SHANK2: variants seen among roughly 807,000 people sequenced by gnomAD.
The protein encoded by SHANK2 is SH3 and multiple ankyrin repeat domains protein 2.
Under a neutral mutation model 133.7 loss-of-function variants are expected in SHANK2, and 43 were observed. The observed-to-expected ratio is 0.32, with a 90% CI of 0.25 to 0.41. The LOEUF (loss-of-function observed/expected upper bound fraction) is 0.41, where lower values mean the gene tolerates loss of function less well. Ranked by LOEUF, SHANK2 falls within the 10% of genes least tolerant of loss-of-function variation. The pLI is 1.00. For synonymous variants in SHANK2, 1,017 were observed against 952.8 expected, an observed-to-expected ratio of 1.07 and a Z score of -1.24; for missense variants, 1,994 against 2,235.8, an observed-to-expected ratio of 0.89 and a Z score of 2.18.
intron 11 of SHANK2, among the ~76,000 whole-genome samples, chr11:70,879,531 G>A (rs1391472703): frequency 6.6e-6 from 1 of 152,176 alleles, no homozygotes; most frequent in Non-Finnish European, 1.5e-5. Flanking sequence ...AGACCACACG[G>A]AAAATTCCGG....
chr11:71,184,436 T>G (rs1428972223), intron 2 of SHANK2, among the ~76,000 whole-genome samples: 1 of 152,156 alleles, frequency 6.6e-6, no homozygotes, highest in Non-Finnish European at 1.5e-5. Flanking sequence ...GGCCCTTGAT[T>G]CAGAGTTTGC....
rs142170105 is a variant in SHANK2 at position 70,807,920 on chromosome 11, C to T, written c.1494-749G>A. ...GAGATACACCAGACACAAAAGAACA[C>T]AGACTGTGTGATCCCAGCCATGCGA... On this transcript the variant is annotated intron_variant, in intron 12 of 25. Transcript: ENST00000601538. The surrounding 1 kb of genome is among the most constrained non-coding windows in gnomAD (Gnocchi z 4.8). 4.6e-3 allele frequency among the ~76,000 whole-genome samples: 693 copies of T among 152,242 alleles called. 4 individuals are homozygous for T. The highest frequency in any genetic ancestry group is 8.6e-3 in the Non-Finnish European group (585 of 68,014).
chr11:70,921,483 T>G (rs1208436352), intron 10 of SHANK2, among the ~76,000 whole-genome samples: 1 of 152,242 alleles, frequency 6.6e-6, no homozygotes, highest in Non-Finnish European at 1.5e-5. Context: ...AGGGGAGTTG[T>G]CTGGGCTAGA....
rs1316511693 is a variant in SHANK2, at chr11:70,807,938, C to G, written c.1494-767G>C. ...AAGAACACAGACTGTGTGATCCCAGCCATGCGAGGGCCCGAGAGCAGTCAG... is the reference window on the plus strand; with the variant it reads ...AAGAACACAGACTGTGTGATCCCAGGCATGCGAGGGCCCGAGAGCAGTCAG... On this transcript the variant is annotated intron_variant, in intron 12 of 25. Coordinates refer to ENST00000601538, the MANE Select transcript of SHANK2 (RefSeq NM_012309.5). This position sits in a 1 kb window ranked among gnomAD's most constrained non-coding sequence, Gnocchi z 4.8. Among the ~76,000 whole-genome samples, 1 of 152,136 alleles carries G rather than the reference C, an allele frequency of 6.6e-6. No individual in the cohort carries two copies. The highest frequency in any genetic ancestry group is 2.4e-5 in the African/African-American group (1 of 41,418).
chr11:70,579,605 CG>C (rs2060158590), intron 17 of SHANK2, among the ~76,000 whole-genome samples: 1 of 152,210 alleles, frequency 6.6e-6, no homozygotes, highest in Non-Finnish European at 1.5e-5. Flanking sequence ...TGGTGTCTCC[CG>C]GGCCTGGGCC....
chr11:70,626,203 C>G (rs2060903388), intron 17 of SHANK2, among the ~76,000 whole-genome samples: 1 of 152,260 alleles, frequency 6.6e-6, no homozygotes, highest in Non-Finnish European at 1.5e-5. Context: ...GACATGTTTT[C>G]TGGTCCACTC....
intron 17 of SHANK2, among the ~76,000 whole-genome samples, chr11:70,570,258 C>T (rs576836663): frequency 2.2e-4 from 34 of 152,320 alleles, no homozygotes; most frequent in African/African-American, 6.5e-4. Flanking sequence ...TTAGATCTGC[C>T]GGGTTTACAA....
At chr11:70,912,627 C>G (rs1200649523) in intron 10 of SHANK2, among the ~76,000 whole-genome samples, 3 of 152,194 alleles carry the variant, frequency 2.0e-5, no homozygotes, top group Non-Finnish European at 4.4e-5. Flanking sequence ...CATGATGATG[C>G]ATCGTGCACC....
chr11:70,514,242 C>T (rs563790422), intron 17 of SHANK2, among the ~76,000 whole-genome samples: 27 of 152,228 alleles, frequency 1.8e-4, no homozygotes, highest in Non-Finnish European at 2.1e-4. Flanking sequence ...ACATCTTTAA[C>T]AGGTGAAAGT....
rs1194122846 is a variant in SHANK2 at position 70,650,538 on chromosome 11, G to C, written c.2061+9290C>G. Among the ~76,000 whole-genome samples the C allele has an allele frequency of 2.0e-5, 3 of 152,282 alleles. No individual in the cohort carries two copies. The East Asian group carries it at 5.8e-4, about 30-fold the overall frequency. Reference sequence around the variant, plus strand: ...CAGCACCCTGGAGAGATCCAGCAATGCTCTTGCTCTGTGCAGCTGTACAGC... The same window carrying C: ...CAGCACCCTGGAGAGATCCAGCAATCCTCTTGCTCTGTGCAGCTGTACAGC... On this transcript the variant is annotated intron_variant, in intron 17 of 25. Transcript: ENST00000601538.
At position 70,804,884 on chromosome 11, in the gene SHANK2, C is replaced by T. The variant is rs965497868; in HGVS notation, c.1663+2118G>A. 2.0e-5 allele frequency among the ~76,000 whole-genome samples: 3 copies of T among 152,202 alleles called. No individual in the cohort carries two copies. The highest frequency in any genetic ancestry group is 4.8e-5 in the African/African-American group (2 of 41,462). ...TCACCGGCTCCCCCTCTCCCTTGAGCTCCTGCTCATCCATGCTGCTACTCA... is the reference window on the plus strand; with the variant it reads ...TCACCGGCTCCCCCTCTCCCTTGAGTTCCTGCTCATCCATGCTGCTACTCA... On this transcript the variant is annotated intron_variant, in intron 13 of 25. Transcript: ENST00000601538. The surrounding 1 kb of genome is among the most constrained non-coding windows in gnomAD (Gnocchi z 4.1).
chr11:70,643,420 C>T (rs1234346010), intron 17 of SHANK2, among the ~76,000 whole-genome samples: 4 of 151,922 alleles, frequency 2.6e-5, no homozygotes, highest in Non-Finnish European at 4.4e-5. Context: ...AAAAATTAGC[C>T]GGGCGTGGTG....
Position 70,569,365 on chromosome 11 carries a change from A to C in SHANK2, c.2062-66434T>G, listed in dbSNP as rs1402983907. ...ATGGACGCATCTTGCCCCGGTTTCC[A>C]GGTGCGGTGGAGCGGGGAGCTCCGG... On this transcript the variant is annotated intron_variant, in intron 17 of 25. Coordinates refer to ENST00000601538, the MANE Select transcript of SHANK2 (RefSeq NM_012309.5). The surrounding 1 kb of genome is among the most constrained non-coding windows in gnomAD (Gnocchi z 5.1). 1.3e-5 allele frequency among the ~76,000 whole-genome samples: 2 copies of C among 152,128 alleles called. No homozygotes were observed. Among genetic ancestry groups the C allele is most frequent in the Non-Finnish European group, 2.9e-5 (2 of 68,018 alleles).
chr11:70,683,640 C>T (rs1555018852), intron 15 of SHANK2, among the ~76,000 whole-genome samples: 1 of 152,234 alleles, frequency 6.6e-6, no homozygotes, highest in African/African-American at 2.4e-5. Context: ...GCCACGCTCC[C>T]TCAGGAGGCC....
intron 17 of SHANK2, among the ~76,000 whole-genome samples, chr11:70,582,394 G>C (rs2060196150): frequency 6.6e-6 from 1 of 152,254 alleles, no homozygotes; most frequent in Admixed American, 6.5e-5. Context: ...CGGGAGGGCT[G>C]GGTTGAGATG....
chr11:70,642,214 C>G (rs2061192966), intron 17 of SHANK2, among the ~76,000 whole-genome samples: 1 of 152,224 alleles, frequency 6.6e-6, no homozygotes, highest in African/African-American at 2.4e-5. Flanking sequence ...GCCCTGACCT[C>G]AAACCATCCT....
intron 14 of SHANK2, among the ~76,000 whole-genome samples, chr11:70,790,195 C>A (rs1449747134): frequency 1.3e-5 from 2 of 152,226 alleles, no homozygotes; most frequent in Non-Finnish European, 2.9e-5. Context: ...CTACAATCCA[C>A]CAGCCTGAAT....
intron 3 of SHANK2, among the ~76,000 whole-genome samples, chr11:71,123,950 A>G (rs1952122941): frequency 6.6e-6 from 1 of 151,990 alleles, no homozygotes; most frequent in African/African-American, 2.4e-5. Flanking sequence ...TGCCCCTTAA[A>G]GAGTTCAGTG....
At chr11:71,133,950 G>C (rs1317328994) in intron 3 of SHANK2, among the ~76,000 whole-genome samples, 1 of 150,568 alleles carries the variant, frequency 6.6e-6, no homozygotes, top group Admixed American at 6.6e-5. Flanking sequence ...TTTAGGGAAG[G>C]GGTCTCATTA....
Sources: allele counts gnomAD v4.1 joint callset (sites outside exome capture counted in the v4.1 genomes callset), GRCh38; gene constraint gnomAD v4.1.1; non-coding constraint Gnocchi (gnomAD v3.1); transcripts MANE v1.5; gene names NCBI Gene and HGNC (gene_info 2026-07-23, HGNC 2026-07-21).